The following AEBP2 variants were observed in gnomAD, a reference collection of about 807,000 sequenced individuals.
The protein encoded by AEBP2 is AE binding protein 2.
AEBP2 carries 10 observed loss-of-function variants against 50.8 expected under a neutral mutation model. That is an observed-to-expected ratio of 0.20 (90% CI 0.12 to 0.33). The LOEUF (loss-of-function observed/expected upper bound fraction) is 0.33, where lower values mean the gene tolerates loss of function less well. Among genes scored for constraint, AEBP2 ranks in the 10% least tolerant of loss-of-function variants. The probability of loss-of-function intolerance (pLI) is 1.00; values close to 1 mark genes in which losing one functional copy is unlikely to be tolerated. For synonymous variants in AEBP2, 296 were observed against 261.3 expected (o/e 1.13, Z -1.28); for missense variants, 570 against 688.0 (o/e 0.83, Z 1.92).
At chr12:19,440,435 G>A (rs1947932293) in intron 1 of AEBP2, 65 bp downstream of exon 1, 1 of 1,439,284 alleles carries the variant, frequency 6.9e-7, no homozygotes, top group Non-Finnish European at 9.1e-7. Flanking sequence ...CTCAGAGGGG[G>A]ACCAAGGCGA....
At chr12:19,445,299 A>T (rs530331482) in intron 1 of AEBP2, among the ~76,000 whole-genome samples, 1 of 151,932 alleles carries the variant, frequency 6.6e-6, no homozygotes, top group African/African-American at 2.4e-5. Flanking sequence ...CCCGGGTTCA[A>T]GCAATTCTCC....
intron 2 of AEBP2, among the ~76,000 whole-genome samples, chr12:19,465,319 G>A (rs942832390): frequency 1.4e-4 from 21 of 151,972 alleles, no homozygotes; most frequent in Admixed American, 1.2e-3. Flanking sequence ...GCTTGAACCC[G>A]GGAGGCGGAG....
At chr12:19,505,798 CAG>C (rs1306085800) in intron 5 of AEBP2, among the ~76,000 whole-genome samples, 2 of 152,056 alleles carry the variant, frequency 1.3e-5, no homozygotes, top group Non-Finnish European at 2.9e-5. Flanking sequence ...TTTTTTGAGT[CAG>C]AGTTTCACTG....
intron 5 of AEBP2, among the ~76,000 whole-genome samples, chr12:19,511,905 A>T (rs187313954): frequency 6.6e-6 from 1 of 152,128 alleles, no homozygotes; most frequent in African/African-American, 2.4e-5. Context: ...TTCCTGTGTC[A>T]TGGAGTTTTC....
At chr12:19,491,727 T>TA (rs964745056) in intron 3 of AEBP2, among the ~76,000 whole-genome samples, 5 of 152,236 alleles carry the variant, frequency 3.3e-5, no homozygotes, top group Admixed American at 2.6e-4. Context: ...TTTTTTTTTT[T>TA]ATCAGCATCA....
Position 19,439,525 on chromosome 12 carries a change from G to C in AEBP2, c.-175G>C, listed in dbSNP as rs1022960685. On this transcript the variant is annotated 5_prime_UTR_variant, in exon 1 of 8. Transcript: ENST00000266508. ...TGTGAGTGCGCGTAGTCGCGCGCCT[G>C]TCCCCGCGCGGGCTCCGTAGCGCGT... The C allele has an allele frequency of 2.2e-5, 18 of 827,544 alleles. No individual in the cohort carries two copies. The highest frequency in any genetic ancestry group is 3.0e-5 in the Non-Finnish European group (17 of 566,446). The allele number at this position is 827,544 out of a possible 1,614,324, so 51.3% of individuals were successfully genotyped here. A position where few individuals can be genotyped will look rare whatever the true frequency, so the allele number is the denominator to read the frequency against.
At chr12:19,499,349 A>G (rs576665026) in intron 4 of AEBP2, among the ~76,000 whole-genome samples, 1 of 152,352 alleles carries the variant, frequency 6.6e-6, no homozygotes, top group African/African-American at 2.4e-5. Context: ...GCAGTGGCTC[A>G]TGCCTGTATA....
chr12:19,493,961 A>G lies in AEBP2; in HGVS notation c.1149A>G (p.Leu383=). The G allele has an allele frequency of 6.2e-7, 1 of 1,610,634 alleles. No individual in the cohort carries two copies. Among genetic ancestry groups the G allele is most frequent in the Non-Finnish European group, 8.5e-7 (1 of 1,178,308 alleles). The change falls in exon 4 of 8, where the codon TTA becomes TTG. Residue 383 remains leucine, a synonymous_variant. Transcript: ENST00000266508. The part of the protein sequence containing the change: ...SKAGMNKRRK[L]KNKRRRSLPR... ...CTGGAATGAACAAAAGGAGGAAATT[A>G]AAGAACAAAAGACGACGCTCATTAC...
intron 3 of AEBP2, among the ~76,000 whole-genome samples, chr12:19,483,993 T>C (rs1215678565): frequency 6.6e-6 from 1 of 152,150 alleles, no homozygotes; most frequent in Non-Finnish European, 1.5e-5. Context: ...AATGTTGGAG[T>C]GTCTCCAAGG....
intron 1 of AEBP2, 28 bp downstream of exon 1, chr12:19,440,398 C>G: frequency 6.8e-7 from 1 of 1,465,014 alleles, no homozygotes; most frequent in Non-Finnish European, 9.0e-7. Flanking sequence ...TTTCCCCTTC[C>G]CTTCCTCCTC....
intron 3 of AEBP2, among the ~76,000 whole-genome samples, chr12:19,490,839 C>T (rs1948886443): frequency 6.6e-6 from 1 of 152,244 alleles, no homozygotes; most frequent in South Asian, 2.1e-4. Flanking sequence ...ACTTCACACT[C>T]ACTAGGATGA....
intron 1 of AEBP2, chr12:19,456,176 A>G (rs1948266990): frequency 1.8e-6 from 2 of 1,118,326 alleles, no homozygotes; most frequent in Admixed American, 4.3e-5. Context: ...GGCCAATTGA[A>G]ACAAACAGTT....
At chr12:19,420,060 G>C (rs939503669) in intron 1 of AEBP2, among the ~76,000 whole-genome samples, 3 of 49,852 alleles carry the variant, frequency 6.0e-5, no homozygotes. Flanking sequence ...TTTTGCTTTT[G>C]TCGCCCAGGC....
intron 2 of AEBP2, among the ~76,000 whole-genome samples, chr12:19,466,359 G>A (rs1948474346): frequency 6.6e-6 from 1 of 152,080 alleles, no homozygotes; most frequent in African/African-American, 2.4e-5. Context: ...CGGGGGATGA[G>A]GTGGGAGAAT....
chr12:19,440,641 G>C (rs1182661751), intron 1 of AEBP2: 7 of 1,527,638 alleles, frequency 4.6e-6, no homozygotes, highest in Non-Finnish European at 6.1e-6. Context: ...CCTCAGGACG[G>C]CTCTAACTCG....
At chr12:19,432,312 T>C (rs1197549586) in intron 1 of AEBP2, among the ~76,000 whole-genome samples, 1 of 152,130 alleles carries the variant, frequency 6.6e-6, no homozygotes, top group Non-Finnish European at 1.5e-5. Context: ...CATATGATAT[T>C]GGGCACAAGC....
At chr12:19,436,998 C>T (rs779684985), upstream of AEBP2, among the ~76,000 whole-genome samples, 14 of 152,102 alleles carry the variant, frequency 9.2e-5, no homozygotes, top group Non-Finnish European at 1.6e-4. Context: ...CTGTTACTCA[C>T]CCTAGGCTAG....
chr12:19,413,786 C>T lies in AEBP2; in HGVS notation c.-17+9570C>T, dbSNP rs145841237. On this transcript the variant is annotated intron_variant, in intron 1 of 3. Coordinates refer to the AEBP2 transcript ENST00000538425. ...CTGTCATGGTGCTGCTGGTAGTGAGCAGTGAGGACAACCAGAGGTCACTCT... is the reference window on the plus strand; with the variant it reads ...CTGTCATGGTGCTGCTGGTAGTGAGTAGTGAGGACAACCAGAGGTCACTCT... Among the ~76,000 whole-genome samples the T allele has an allele frequency of 1.0e-3, 157 of 152,056 alleles. 1 individual carries two copies. The highest frequency in any genetic ancestry group is 3.7e-3 in the African/African-American group (154 of 41,510).
chr12:19,504,151 A>G lies in AEBP2; in HGVS notation c.1299+3930A>G, dbSNP rs371219687. Among the ~76,000 whole-genome samples the G allele has an allele frequency of 1.0e-3, 154 of 152,032 alleles. 1 individual carries two copies. The highest frequency in any genetic ancestry group is 3.5e-3 in the African/African-American group (147 of 41,478). On this transcript the variant is annotated intron_variant, in intron 5 of 7. Transcript: ENST00000266508. ...TATGTTTTTAGTTACTGCATAACCA[A>G]TGTTGTCCCCTAACTTGAATTTTTC...
Sources: gnomAD v4.1 joint callset for allele counts (sites outside exome capture counted in the v4.1 genomes callset) on GRCh38, gnomAD v4.1.1 for gene constraint, MANE v1.5 for transcripts, NCBI Gene and HGNC (gene_info 2026-07-23, HGNC 2026-07-21) for gene names.